The following PDE10A variants were observed in gnomAD, a reference collection of about 807,000 sequenced individuals.
PDE10A encodes the protein cAMP and cAMP-inhibited cGMP 3',5'-cyclic phosphodiesterase 10A.
PDE10A carries 39 observed loss-of-function variants against 97.7 expected under a neutral mutation model. The observed-to-expected ratio is 0.40, with a 90% CI of 0.31 to 0.52. PDE10A has a LOEUF of 0.52. PDE10A is among the 20% of genes least tolerant of loss of function. PDE10A has a pLI of 0.56. For missense variants in PDE10A, 731 were observed against 1,047.8 expected (o/e 0.70, Z 4.17); for synonymous variants, 371 against 376.8 (o/e 0.98, Z 0.18).
chr6:165,465,760 G>A (rs760298350), intron 3 of PDE10A, among the ~76,000 whole-genome samples: 8 of 152,096 alleles, frequency 5.3e-5, no homozygotes, highest in East Asian at 3.9e-4. Context: ...GGGGGAAATC[G>A]CCCCCATGAT....
intron 2 of PDE10A, among the ~76,000 whole-genome samples, chr6:165,490,923 C>G (rs1337838845): frequency 1.3e-5 from 2 of 152,302 alleles, no homozygotes; most frequent in East Asian, 3.9e-4. Context: ...CCACTGAACT[C>G]CAGCCTGGGG....
Position 165,720,507 on chromosome 6 carries a change from A to C in PDE10A, c.-614-176939T>G, listed in dbSNP as rs181238772. On this transcript the variant is annotated intron_variant, in intron 1 of 19. Transcript: ENST00000366882. ...GCTGCCCTACTCCCAAACCTAAAGA[A>C]TAAAAAATCAGAAAGAAAAACCTGT... 6.6e-5 allele frequency among the ~76,000 whole-genome samples: 10 copies of C among 152,330 alleles called. 1 individual carries two copies. The East Asian group carries it at 1.9e-3, about 29-fold the overall frequency.
intron 1 of PDE10A, among the ~76,000 whole-genome samples, chr6:165,810,066 A>G (rs554345852): frequency 6.6e-6 from 1 of 152,170 alleles, no homozygotes; most frequent in South Asian, 2.1e-4. Context: ...CATCACCACC[A>G]CCGCCCCAAA....
In PDE10A at chr6:165,619,056, G is replaced by GGTGTGGTGTA. The variant is rs1562633623; in HGVS notation, c.865+42890_865+42891insTACACCACAC. On this transcript the variant is annotated intron_variant, in intron 1 of 21. Coordinates refer to ENST00000539869, the MANE Select transcript of PDE10A (RefSeq NM_001385079.1). ...AGTGTAGTGTAGTGTAGTCTAGTGT[G>GGTGTGGTGTA]GTGTAGTGTAGTGTAGTGTAGTCTA... 3.0e-4 allele frequency among the ~76,000 whole-genome samples: 15 copies of GGTGTGGTGTA among 49,540 alleles called. 1 individual carries two copies. The highest frequency in any genetic ancestry group is 5.3e-4 in the Non-Finnish European group (14 of 26,232). The allele number at this position is 49,540 out of a possible 152,430, so 32.5% of individuals were successfully genotyped here.
At chr6:165,791,996 A>G (rs1174476961) in intron 1 of PDE10A, among the ~76,000 whole-genome samples, 1 of 152,204 alleles carries the variant, frequency 6.6e-6, no homozygotes, top group Non-Finnish European at 1.5e-5. Flanking sequence ...CTGCTGTGGC[A>G]GATGGAATCG....
intron 1 of PDE10A, among the ~76,000 whole-genome samples, chr6:165,580,586 T>A (rs1045047173): frequency 2.6e-5 from 4 of 152,300 alleles, no homozygotes; most frequent in Admixed American, 6.5e-5. Flanking sequence ...GTGATGTAGT[T>A]GAGAGATATT....
intron 2 of PDE10A, among the ~76,000 whole-genome samples, chr6:165,507,649 AT>A (rs1434323459): frequency 6.6e-6 from 1 of 152,026 alleles, no homozygotes; most frequent in Admixed American, 6.6e-5. Context: ...CAGCTGAATG[AT>A]TTTTAGCTCC....
chr6:165,582,948 C>T (rs949767131), intron 1 of PDE10A, among the ~76,000 whole-genome samples: 3 of 152,096 alleles, frequency 2.0e-5, no homozygotes, highest in African/African-American at 7.2e-5. Flanking sequence ...GCAAATAACT[C>T]AAAACCTTTA....
At chr6:165,580,503 C>T (rs1785551807) in intron 1 of PDE10A, among the ~76,000 whole-genome samples, 1 of 152,160 alleles carries the variant, frequency 6.6e-6, no homozygotes, top group East Asian at 1.9e-4. Flanking sequence ...CTGTGAGTTT[C>T]TGAAACATCG....
rs1209084004 is a variant in PDE10A at position 165,691,109 on chromosome 6, C to T, written c.-614-147541G>A. On this transcript the variant is annotated intron_variant, in intron 1 of 19. Coordinates refer to the PDE10A transcript ENST00000366882. ...TCTCTCTCTCTCTCTTTCTCTCTCC[C>T]CCCCCCCATCAGTGCCTGTGGTCAC... Among the ~76,000 whole-genome samples, 103 of 103,324 alleles carry T rather than the reference C, an allele frequency of 1.0e-3. 4 individuals are homozygous for T. The highest frequency in any genetic ancestry group is 1.6e-3 in the Non-Finnish European group (74 of 46,874). The allele number at this position is 103,324 out of a possible 152,430, so 67.8% of individuals were successfully genotyped here.
chr6:165,384,621 TGTGTGAGTGA>T (rs1363747010), intron 17 of PDE10A, among the ~76,000 whole-genome samples: 2 of 102,818 alleles, frequency 1.9e-5, no homozygotes, highest in East Asian at 5.5e-4. Context: ...TGTGTGTGTA[TGTGTGAGTGA>T]GTGTGTGTGT....
At chr6:165,774,976 A>T (rs986270870) in intron 1 of PDE10A, 1 of 152,048 alleles carries the variant, frequency 6.6e-6, no homozygotes, top group African/African-American at 2.4e-5. Flanking sequence ...GCAACTTGAC[A>T]CGGGGCATCT....
intron 1 of PDE10A, among the ~76,000 whole-genome samples, chr6:165,557,837 G>C (rs1784334587): frequency 6.6e-6 from 1 of 152,138 alleles, no homozygotes; most frequent in African/African-American, 2.4e-5. Context: ...AAAAAACGAA[G>C]ACAAACAAAG....
rs975645790 is a variant in PDE10A, at chr6:165,612,779, T to C, written c.865+49168A>G. Among the ~76,000 whole-genome samples the C allele has an allele frequency of 1.4e-4, 22 of 152,322 alleles. No individual in the cohort carries two copies. In the East Asian group the frequency reaches 3.9e-3, roughly 27 times the overall value. On this transcript the variant is annotated intron_variant, in intron 1 of 21. Coordinates refer to ENST00000539869, the MANE Select transcript of PDE10A (RefSeq NM_001385079.1). ...AGCAAGACTGTCTCGCCTCACCACA[T>C]ATCTTTTCCAGCAAGACAGTCTCGT...
At chr6:165,355,230 T>C (rs1782951668) in intron 18 of PDE10A, among the ~76,000 whole-genome samples, 1 of 152,220 alleles carries the variant, frequency 6.6e-6, no homozygotes, top group South Asian at 2.1e-4. Flanking sequence ...TTAGGTTATG[T>C]TATATAGAAT....
chr6:165,515,132 C>T (rs1368415149), intron 2 of PDE10A, among the ~76,000 whole-genome samples: 2 of 152,178 alleles, frequency 1.3e-5, no homozygotes, highest in Admixed American at 1.3e-4. Flanking sequence ...TACTTATATT[C>T]TCTCAGGAGT....
intron 1 of PDE10A, among the ~76,000 whole-genome samples, chr6:165,607,800 A>G (rs1268215663): frequency 6.6e-6 from 1 of 152,186 alleles, no homozygotes; most frequent in East Asian, 1.9e-4. Context: ...AACTTTAGAC[A>G]GCTCTACATC....
At chr6:165,686,531 G>A (rs9295310) in intron 1 of PDE10A, among the ~76,000 whole-genome samples, 5,299 of 152,266 alleles carry the variant, frequency 0.035, 291 homozygotes, top group African/African-American at 0.12. Flanking sequence ...ACACCACGGT[G>A]AGCACAGAGG....
At chr6:165,892,430 C>G (rs1301273610) in intron 1 of PDE10A, among the ~76,000 whole-genome samples, 3 of 152,244 alleles carry the variant, frequency 2.0e-5, no homozygotes, top group Non-Finnish European at 4.4e-5. Flanking sequence ...CCAGTGCCCT[C>G]AGTGGCAAGA....
Sources: gnomAD v4.1 joint callset for allele counts (sites outside exome capture counted in the v4.1 genomes callset) on GRCh38, gnomAD v4.1.1 for gene constraint, MANE v1.5 for transcripts, NCBI Gene and HGNC (gene_info 2026-07-23, HGNC 2026-07-21) for gene names.